POLR3C: variants seen among roughly 807,000 people sequenced by gnomAD.
POLR3C encodes the protein RNA polymerase III subunit C, also known as DNA-directed RNA polymerase III subunit RPC3.
A neutral mutation model predicts 65.9 loss-of-function variants in POLR3C; 44 were observed. That is an observed-to-expected ratio of 0.67 (90% CI 0.52 to 0.86). The LOEUF (loss-of-function observed/expected upper bound fraction) is 0.86, where lower values mean the gene tolerates loss of function less well. Among genes scored for constraint, POLR3C ranks in the 40% least tolerant of loss-of-function variants. The pLI is 0.00. For synonymous variants in POLR3C, 263 were observed against 231.6 expected (o/e 1.14, Z -1.23); for missense variants, 576 against 653.2 (o/e 0.88, Z 1.29).
In POLR3C at chr1:145,844,138, C is replaced by G. The variant is rs1652489283; in HGVS notation, c.*1718C>G. 6.6e-6 allele frequency among the ~76,000 whole-genome samples: 1 copy of G among 152,160 alleles called. No homozygotes were observed. The highest frequency in any genetic ancestry group is 1.5e-5 in the Non-Finnish European group (1 of 68,026). On this transcript the variant is annotated 3_prime_UTR_variant, in exon 15 of 15. Coordinates refer to ENST00000334163, the MANE Select transcript of POLR3C (RefSeq NM_006468.8). The stretch of plus-strand genomic sequence containing the variant: ...AAAAAACTAAAAACAGAACTATGCT[C>G]CAGCAGTTCCACTACTGGGTATATA...
chr1:145,842,446 G>C lies in POLR3C; in HGVS notation c.*26G>C. 6.9e-7 allele frequency: 1 copy of C among 1,459,012 alleles called. No homozygotes were observed. Among genetic ancestry groups the C allele is most frequent in the Non-Finnish European group, 9.6e-7 (1 of 1,039,808 alleles). 90.4% of individuals were successfully genotyped at this position (1,459,012 alleles called of 1,614,324 possible). A position where few individuals can be genotyped will look rare whatever the true frequency, so the allele number is the denominator to read the frequency against. ...TCCAGAAGAAGCATCTTCCTCAGAA[G>C]ATCTGGGGGGATGGAAAGCAAAATA... On this transcript the variant is annotated 3_prime_UTR_variant, in exon 15 of 15. Transcript: ENST00000334163.
Position 145,826,830 on chromosome 1 carries a change from C to T in POLR3C, c.414C>T (p.Thr138=). 1 of 1,609,622 alleles carries T rather than the reference C, an allele frequency of 6.2e-7. No homozygotes were observed. Among genetic ancestry groups the T allele is most frequent in the Non-Finnish European group, 8.5e-7 (1 of 1,177,114 alleles). ...CCTCCTGTTATACAGATGGCAAGAC[C>T]ATGGACTATGCTGAAGTATCAAACA... The part of the protein sequence containing the change: ...RLTETMEDGK[T]MDYAEVSNTF... Residue 138 remains threonine, a synonymous_variant, in exon 4 of 15, where the codon ACC becomes ACT. Coordinates refer to ENST00000334163, the MANE Select transcript of POLR3C (RefSeq NM_006468.8).
chr1:145,842,992 T>G lies in POLR3C; in HGVS notation c.*572T>G, dbSNP rs958628798. ...ACATACCCAGCTATTTTTTATTTAT[T>G]TATTTATTTTTTTGTAGAGACAGGG... On this transcript the variant is annotated 3_prime_UTR_variant, in exon 15 of 15. Transcript: ENST00000334163. 2.6e-4 allele frequency among the ~76,000 whole-genome samples: 39 copies of G among 152,222 alleles called. No homozygotes were observed. The highest frequency in any genetic ancestry group is 8.9e-4 in the African/African-American group (37 of 41,526).
intron 5 of POLR3C, among the ~76,000 whole-genome samples, chr1:145,831,985 T>G (rs2101641449): frequency 6.6e-6 from 1 of 151,488 alleles, no homozygotes; most frequent in South Asian, 2.1e-4. Flanking sequence ...AAGGCTGCAG[T>G]GAGCTACAAT....
intron 1 of POLR3C, among the ~76,000 whole-genome samples, chr1:145,825,102 ATTTTTTTTGT>A (rs1217610929): frequency 6.6e-6 from 1 of 150,956 alleles, no homozygotes; most frequent in Non-Finnish European, 1.5e-5. Context: ...ATTATGAGTA[ATTTTTTTTGT>A]TTTTTTTTGT....
intron 4 of POLR3C, among the ~76,000 whole-genome samples, chr1:145,827,514 C>T (rs587735354): frequency 6.6e-6 from 1 of 151,724 alleles, no homozygotes; most frequent in South Asian, 2.1e-4. Flanking sequence ...AATCCCAGCA[C>T]TTTGGGAGGC....
At chr1:145,834,263 C>G (rs1010718989) in intron 7 of POLR3C, among the ~76,000 whole-genome samples, 60 of 152,190 alleles carry the variant, frequency 3.9e-4, no homozygotes, top group South Asian at 6.2e-4. Context: ...GTGCACTTAA[C>G]ATGAATGGAG....
At position 145,842,793 on chromosome 1, in the gene POLR3C, T is replaced by TGATAGATAGATAGATAGATA. The variant is rs1201196967; in HGVS notation, c.*378_*397dup. Among the ~76,000 whole-genome samples the TGATAGATAGATAGATAGATA allele has an allele frequency of 0.092, 13,047 of 142,364 alleles. 614 individuals carry two copies. The highest frequency in any genetic ancestry group is 0.094 in the African/African-American group (3,105 of 33,008). 93.4% of individuals were successfully genotyped at this position (142,364 alleles called of 152,430 possible). On this transcript the variant is annotated 3_prime_UTR_variant, in exon 15 of 15. Coordinates refer to ENST00000334163, the MANE Select transcript of POLR3C (RefSeq NM_006468.8). ...CTGTTCTTTATTTTGTTGAGATAGGTGATAGATAGATAGATAGATAGATAA... is the reference window on the plus strand; with the variant it reads ...CTGTTCTTTATTTTGTTGAGATAGGTGATAGATAGATAGATAGATAGATAGATAGATAGATAGATAGATAA...
At position 145,844,153 on chromosome 1, in the gene POLR3C, C is replaced by G. The variant is rs1333647801; in HGVS notation, c.*1733C>G. Among the ~76,000 whole-genome samples the G allele has an allele frequency of 6.6e-6, 1 of 152,186 alleles. No individual in the cohort carries two copies. The highest frequency in any genetic ancestry group is 1.5e-5 in the Non-Finnish European group (1 of 68,040). On this transcript the variant is annotated 3_prime_UTR_variant, in exon 15 of 15. Coordinates refer to ENST00000334163, the MANE Select transcript of POLR3C (RefSeq NM_006468.8). ...GAACTATGCTCCAGCAGTTCCACTA[C>G]TGGGTATATATATATCTCCAAAAGG...
intron 4 of POLR3C, among the ~76,000 whole-genome samples, chr1:145,827,418 A>T (rs1476194555): frequency 6.6e-6 from 1 of 152,108 alleles, no homozygotes; most frequent in Non-Finnish European, 1.5e-5. Context: ...GGAGTTCGAG[A>T]CCAGCCTGGG....
At chr1:145,834,078 C>T (rs1553727910) in intron 7 of POLR3C, among the ~76,000 whole-genome samples, 1 of 152,150 alleles carries the variant, frequency 6.6e-6, no homozygotes, top group African/African-American at 2.4e-5. Flanking sequence ...CCCTACAGCA[C>T]ACCTAGACTG....
chr1:145,840,489 A>G (rs1652207334), intron 13 of POLR3C: 1 of 311,882 alleles, frequency 3.2e-6, no homozygotes. Flanking sequence ...GCAGTGAACC[A>G]AGATCACGCC....
At position 145,828,735 on chromosome 1, in the gene POLR3C, T is replaced by A; in HGVS notation, c.590-14T>A. 6.4e-7 allele frequency: 1 copy of A among 1,564,446 alleles called. No homozygotes were observed. The highest frequency in any genetic ancestry group is 2.2e-5 in the East Asian group (1 of 44,650). On this transcript the variant is annotated splice_polypyrimidine_tract_variant and intron_variant, in intron 4 of 14. Transcript: ENST00000334163. Reference sequence around the variant, plus strand: ...ATGAGATATAGTCTAAGTGTTTAATTGTTTGTTTGGCAGGGAAAGGTAAAA... The same window carrying A: ...ATGAGATATAGTCTAAGTGTTTAATAGTTTGTTTGGCAGGGAAAGGTAAAA...
At position 145,840,924 on chromosome 1, in the gene POLR3C, G is replaced by A. The variant is rs117130400; in HGVS notation, c.1376G>A (p.Arg459His). 1.7e-5 allele frequency: 27 copies of A among 1,612,402 alleles called. 1 individual carries two copies. In the East Asian group the frequency reaches 2.7e-4, roughly 16 times the overall value. The part of the protein sequence containing the change: ...RRQFETKENK[R>H]LLEKSQRVEA... The stretch of plus-strand genomic sequence containing the variant: ...TCAGAGTTGTGTTTGTTTGACAGGC[G>A]TCTACTAGAAAAATCTCAGAGGGTA... The change falls in exon 14 of 15, where the codon CGT (arginine) becomes CAT (histidine). Residue 459 changes from arginine (R) to histidine (H), a missense_variant and splice_region_variant. Physicochemically the swap from Arg to His is conservative, Grantham distance 29. Coordinates refer to ENST00000334163, the MANE Select transcript of POLR3C (RefSeq NM_006468.8).
intron 5 of POLR3C, among the ~76,000 whole-genome samples, chr1:145,832,105 T>G (rs1237934004): frequency 6.6e-6 from 1 of 152,178 alleles, no homozygotes; most frequent in African/African-American, 2.4e-5. Context: ...GGAAAAAATG[T>G]CCAACCATGT....
intron 5 of POLR3C, among the ~76,000 whole-genome samples, chr1:145,830,930 C>T: frequency 6.6e-6 from 1 of 151,658 alleles, no homozygotes; most frequent in Middle Eastern, 3.4e-3. Flanking sequence ...ATAGTGAGAC[C>T]CCATCTGTAC....
At chr1:145,825,275 A>AT (rs1398130609) in intron 1 of POLR3C, among the ~76,000 whole-genome samples, 3 of 151,800 alleles carry the variant, frequency 2.0e-5, no homozygotes, top group Non-Finnish European at 2.9e-5. Context: ...CGCCCAGCTA[A>AT]TTTTTTTGTG....
At chr1:145,829,838 T>C (rs1651147663) in intron 5 of POLR3C, among the ~76,000 whole-genome samples, 1 of 152,238 alleles carries the variant, frequency 6.6e-6, no homozygotes, top group Non-Finnish European at 1.5e-5. Context: ...CTATCTTAAA[T>C]GCTGTTTTCA....
At chr1:145,838,024 G>A in intron 10 of POLR3C, 32 bp from the exon 11 acceptor site, 1 of 1,608,378 alleles carries the variant, frequency 6.2e-7, no homozygotes, top group South Asian at 1.1e-5. Context: ...ATCTATGTTA[G>A]CATGCCATTT....
Sources: gnomAD v4.1 joint callset for allele counts (sites outside exome capture counted in the v4.1 genomes callset) on GRCh38, gnomAD v4.1.1 for gene constraint, MANE v1.5 for transcripts, NCBI Gene and HGNC (gene_info 2026-07-23, HGNC 2026-07-21) for gene names.